The following FOXP1 variants were observed in gnomAD, a reference collection of about 807,000 sequenced individuals.
The protein encoded by FOXP1 is forkhead box protein P1.
A neutral mutation model predicts 98.2 loss-of-function variants in FOXP1; 15 were observed. The observed-to-expected ratio is 0.15, with a 90% confidence interval of 0.10 to 0.24. The LOEUF (loss-of-function observed/expected upper bound fraction) is 0.24, where lower values mean the gene tolerates loss of function less well. FOXP1 is among the 10% of genes least tolerant of loss of function. The probability of loss-of-function intolerance (pLI) is 1.00; values close to 1 mark genes in which losing one functional copy is unlikely to be tolerated. For missense variants in FOXP1, 633 were observed against 848.5 expected, an observed-to-expected ratio of 0.75 and a Z score of 3.15; for synonymous variants, 371 against 314.5, an observed-to-expected ratio of 1.18 and a Z score of -1.90.
chr3:71,262,273 A>G (rs1183706340), intron 5 of FOXP1, among the ~76,000 whole-genome samples: 45 of 112,094 alleles, frequency 4.0e-4, no homozygotes, highest in African/African-American at 1.6e-3. Context: ...ACAAAAAAAA[A>G]AAAAAAAAAA....
intron 3 of FOXP1, among the ~76,000 whole-genome samples, chr3:71,416,992 G>A (rs776845795): frequency 1.3e-5 from 2 of 152,172 alleles, no homozygotes; most frequent in African/African-American, 4.8e-5. Context: ...TCAAGCTGAT[G>A]AGCAAAGGGG....
At chr3:71,492,038 C>T (rs186193105) in intron 3 of FOXP1, among the ~76,000 whole-genome samples, 1 of 152,304 alleles carries the variant, frequency 6.6e-6, no homozygotes, top group East Asian at 1.9e-4. Context: ...TTAGCCATCC[C>T]ACCTAGACTC....
At chr3:70,982,337 G>C (rs1009787519) in intron 14 of FOXP1, among the ~76,000 whole-genome samples, 17 of 152,286 alleles carry the variant, frequency 1.1e-4, no homozygotes, top group African/African-American at 4.1e-4. Flanking sequence ...TTGCAGTTCA[G>C]GTTTTAAAAG....
chr3:70,983,938 ACCT>A (rs1176931541), intron 14 of FOXP1, among the ~76,000 whole-genome samples: 2 of 152,194 alleles, frequency 1.3e-5, no homozygotes, highest in Non-Finnish European at 2.9e-5. Context: ...GGAGAAATTA[ACCT>A]CCAAGCAAGA....
intron 6 of FOXP1, among the ~76,000 whole-genome samples, chr3:71,167,481 ATGT>A (rs1324581531): frequency 6.6e-6 from 1 of 152,160 alleles, no homozygotes; most frequent in African/African-American, 2.4e-5. Flanking sequence ...TTTCTTGTTG[ATGT>A]TGTTATTATT....
rs376949608 is a variant in FOXP1, at chr3:71,427,683, T to C, written c.-168+65743A>G. The stretch of plus-strand genomic sequence containing the variant: ...GAGAGGAGATGCTCAGGAAGGAGAA[T>C]GATACAAGCGATGGACGGAAGTCAC... On this transcript the variant is annotated intron_variant, in intron 3 of 20. Coordinates refer to ENST00000649528, the MANE Select transcript of FOXP1 (RefSeq NM_001349338.3). Among the ~76,000 whole-genome samples the C allele has an allele frequency of 9.5e-4, 145 of 152,218 alleles. 1 individual carries two copies. Among genetic ancestry groups the C allele is most frequent in the African/African-American group, 3.3e-3 (139 of 41,524 alleles).
intron 4 of FOXP1, among the ~76,000 whole-genome samples, chr3:71,356,648 G>C (rs578018948): frequency 6.6e-6 from 1 of 152,290 alleles, no homozygotes; most frequent in East Asian, 1.9e-4. Context: ...CAGATAAGGA[G>C]GCCGTGGCAC....
At chr3:71,500,576 C>T (rs561188796) in intron 2 of FOXP1, among the ~76,000 whole-genome samples, 27 of 152,338 alleles carry the variant, frequency 1.8e-4, no homozygotes, top group Admixed American at 2.0e-4. Flanking sequence ...CTCTCTCCAC[C>T]ATCTTCCACT....
Position 71,218,565 on chromosome 3 carries a change from C to T in FOXP1, c.-11-20173G>A, listed in dbSNP as rs367576388. Among the ~76,000 whole-genome samples, 13 of 152,250 alleles carry T rather than the reference C, an allele frequency of 8.5e-5. No individual in the cohort carries two copies. In the East Asian group the frequency reaches 2.3e-3, roughly 27 times the overall value. On this transcript the variant is annotated intron_variant, in intron 5 of 20. Transcript: ENST00000649528. ...CCTCAGTGCTGCAAAACTCTTAAAG[C>T]AGGGGTCTGCAAACTTTTTCTGTGG...
chr3:71,275,306 A>G (rs2070773403), intron 5 of FOXP1, among the ~76,000 whole-genome samples: 1 of 152,104 alleles, frequency 6.6e-6, no homozygotes, highest in Non-Finnish European at 1.5e-5. Context: ...TTCCCTCCTG[A>G]CAGACATTTA....
chr3:71,102,855 G>A (rs1345210740), intron 7 of FOXP1, among the ~76,000 whole-genome samples: 1 of 152,112 alleles, frequency 6.6e-6, no homozygotes, highest in East Asian at 1.9e-4. Context: ...GATTGTGTGG[G>A]CTAGAATCCC....
chr3:71,166,954 G>C (rs991679470), intron 6 of FOXP1, among the ~76,000 whole-genome samples: 1 of 151,960 alleles, frequency 6.6e-6, no homozygotes, highest in Non-Finnish European at 1.5e-5. Flanking sequence ...AGATGATGTT[G>C]AAGTGCACAG....
chr3:71,517,634 C>T (rs759960218), intron 2 of FOXP1, among the ~76,000 whole-genome samples: 2 of 152,184 alleles, frequency 1.3e-5, no homozygotes, highest in Non-Finnish European at 2.9e-5. Context: ...CCTTTATCTT[C>T]AGTATAATAT....
chr3:71,145,261 G>T (rs1171230981), intron 6 of FOXP1, among the ~76,000 whole-genome samples: 1 of 152,076 alleles, frequency 6.6e-6, no homozygotes, highest in Non-Finnish European at 1.5e-5. Context: ...CCCAGGCTGG[G>T]CGTGGTGGCT....
chr3:71,430,195 G>A (rs114241792), intron 3 of FOXP1, among the ~76,000 whole-genome samples: 1 of 152,044 alleles, frequency 6.6e-6, no homozygotes, highest in Non-Finnish European at 1.5e-5. Flanking sequence ...CCATACCACG[G>A]AAAGCCTGAC....
intron 6 of FOXP1, among the ~76,000 whole-genome samples, chr3:71,169,950 A>C (rs2061568772): frequency 6.6e-6 from 1 of 152,200 alleles, no homozygotes; most frequent in African/African-American, 2.4e-5. Flanking sequence ...GTACAAATTT[A>C]AGTTTCATGC....
intron 2 of FOXP1, among the ~76,000 whole-genome samples, chr3:71,561,934 A>C (rs1286671265): frequency 6.6e-6 from 1 of 152,228 alleles, no homozygotes; most frequent in Non-Finnish European, 1.5e-5. Flanking sequence ...ACAGCAAGTA[A>C]ACATTTTTCA....
intron 11 of FOXP1, among the ~76,000 whole-genome samples, chr3:71,029,116 C>T (rs981493970): frequency 2.0e-5 from 3 of 152,158 alleles, no homozygotes; most frequent in Admixed American, 6.5e-5. Flanking sequence ...TCTTACAGCA[C>T]CTGTGGCCAA....
intron 19 of FOXP1, chr3:70,969,099 A>C (rs1471358089): frequency 6.6e-6 from 1 of 151,278 alleles, no homozygotes; most frequent in Non-Finnish European, 1.5e-5. Flanking sequence ...TAGTTAAGAG[A>C]ATTCAGAGGA....
Sources: gnomAD v4.1 joint callset for allele counts (sites outside exome capture counted in the v4.1 genomes callset) on GRCh38, gnomAD v4.1.1 for gene constraint, MANE v1.5 for transcripts, NCBI Gene and HGNC (gene_info 2026-07-23, HGNC 2026-07-21) for gene names.